The following ARRDC2 variants were observed in gnomAD, a reference collection of about 807,000 sequenced individuals.
ARRDC2 encodes arrestin domain containing 2, also known as arrestin domain-containing protein 2.
In ARRDC2, 39 loss-of-function variants were observed where a neutral mutation model predicts 38.9. The ratio of observed to expected loss-of-function variants is 1.00; its 90% CI spans 0.78 to 1.31. The LOEUF is 1.31. Among genes scored for constraint, ARRDC2 ranks in the 50% most tolerant of loss-of-function variants. ARRDC2 has a pLI of 0.00. For missense variants in ARRDC2, 553 were observed against 588.4 expected, an observed-to-expected ratio of 0.94 and a Z score of 0.62; for synonymous variants, 300 against 261.9, an observed-to-expected ratio of 1.15 and a Z score of -1.41.
At chr19:18,008,138 CGTATAAAA>C, upstream of ARRDC2, 1 of 1,339,284 alleles carries the variant, frequency 7.5e-7, no homozygotes, top group Non-Finnish European at 9.6e-7. Context: ...CCCGCCCTGC[CGTATAAAA>C]GCGGCGCCGA....
chr19:18,012,701 G>A (rs2033437561), intron 7 of ARRDC2, among the ~76,000 whole-genome samples: 2 of 152,074 alleles, frequency 1.3e-5, no homozygotes, highest in Non-Finnish European at 1.5e-5. Context: ...GGTATCCACG[G>A]GGTTCCTGGA....
upstream of ARRDC2, among the ~76,000 whole-genome samples, chr19:18,005,760 C>T (rs1363585213): frequency 4.6e-5 from 7 of 151,096 alleles, no homozygotes; most frequent in South Asian, 8.4e-4. Flanking sequence ...ACTGGCTTGG[C>T]GGGGGCTGAC....
chr19:18,001,304 A>C (rs1184227308), exon 1 of ARRDC2: 12 of 1,195,554 alleles, frequency 1.0e-5, no homozygotes, highest in African/African-American at 1.6e-5. Context: ...CCGTGTCCCC[A>C]GCCGCGCGCC....
upstream of ARRDC2, chr19:18,008,060 A>T (rs2290641): frequency 0.22 from 241,441 of 1,098,542 alleles, 30,644 homozygotes; most frequent in African/African-American, 0.44. Context: ...GGGCAGAGCC[A>T]CGCCCCTTGT....
upstream of ARRDC2, among the ~76,000 whole-genome samples, chr19:18,005,642 C>T (rs1283202404): frequency 4.6e-4 from 70 of 150,734 alleles, 1 homozygote; most frequent in African/African-American, 1.6e-3. Context: ...ACCTCCCTCC[C>T]GGACGGGGCG....
At chr19:18,002,690 G>T (rs529905165) in intron 1 of ARRDC2, among the ~76,000 whole-genome samples, 105 of 152,310 alleles carry the variant, frequency 6.9e-4, no homozygotes, top group Middle Eastern at 3.4e-3. Context: ...AAGCAAGTGC[G>T]GTGGGGCAGG....
At chr19:18,006,544 G>T (rs1384832638), upstream of ARRDC2, among the ~76,000 whole-genome samples, 1 of 152,342 alleles carries the variant, frequency 6.6e-6, no homozygotes, top group East Asian at 1.9e-4. Context: ...AGGCAGGGAG[G>T]TTGCAGTGAG....
chr19:18,005,311 G>C (rs1287513826), upstream of ARRDC2, among the ~76,000 whole-genome samples: 1 of 151,948 alleles, frequency 6.6e-6, no homozygotes, highest in Non-Finnish European at 1.5e-5. Context: ...TTGGGGGTAG[G>C]GTCACCGATC....
chr19:18,010,402 C>T (rs765470338), intron 6 of ARRDC2, 44 bp downstream of exon 6: 24 of 1,587,794 alleles, frequency 1.5e-5, no homozygotes, highest in East Asian at 1.1e-4. Context: ...GGTGGATACA[C>T]GGAGAGGTGG....
At chr19:18,011,818 T>C (rs915910398) in intron 7 of ARRDC2, among the ~76,000 whole-genome samples, 1 of 151,690 alleles carries the variant, frequency 6.6e-6, no homozygotes, top group Admixed American at 6.6e-5. Flanking sequence ...ATGATTGTGC[T>C]ACTACATACT....
At position 18,008,727 on chromosome 19, in the gene ARRDC2, G is replaced by C; in HGVS notation, c.291G>C (p.Thr97=). 1 of 1,613,452 alleles carries C rather than the reference G, an allele frequency of 6.2e-7. No homozygotes were observed. Among genetic ancestry groups the C allele is most frequent in the Non-Finnish European group, 8.5e-7 (1 of 1,180,002 alleles). Residue 97 remains threonine, a synonymous_variant, in exon 2 of 8, where the codon ACG becomes ACC. Coordinates refer to ENST00000222250, the MANE Select transcript of ARRDC2 (RefSeq NM_015683.2). The part of the protein sequence containing the change: ...TLLAPDTGET[T]TLPPGRHEFL... ...TACCTGCAGATACCGGGGAGACCAC[G>C]ACGCTGCCTCCTGGGCGCCATGAGT...
At chr19:18,008,115 G>GTGGCCC, upstream of ARRDC2, 5 of 810,024 alleles carry the variant, frequency 6.2e-6, no homozygotes, top group Non-Finnish European at 8.5e-6. Context: ...AAGAGACGGT[G>GTGGCCC]ACCCCACCCC....
Position 18,010,726 on chromosome 19 carries a change from T to C in ARRDC2, c.1167T>C (p.Ser389=). The change falls in exon 7 of 8, where the codon TCT becomes TCC. Residue 389 remains serine (S), a synonymous_variant. Transcript: ENST00000222250. ...GCTACCGCCCGCCACCCCTGTACTC[T>C]GAGGTGAGCTCAGGGGTCTGAGAAC... ...EFRYRPPPLY[S]EEDPNPLLGD... The C allele has an allele frequency of 6.2e-7, 1 of 1,613,694 alleles. No individual in the cohort carries two copies. Among genetic ancestry groups the C allele is most frequent in the Non-Finnish European group, 8.5e-7 (1 of 1,179,984 alleles).
rs563236332 is a variant in ARRDC2, at chr19:18,008,307, C to T, written c.-4C>T. 3.6e-5 allele frequency: 57 copies of T among 1,593,928 alleles called. No homozygotes were observed. The South Asian group carries it at 5.9e-4, about 17-fold the overall frequency. ...GCCTGTCGTGGGTTCGCACCCCGGACGCGATGCTATTCGACAAGGTGAAAG... is the reference window on the plus strand; with the variant it reads ...GCCTGTCGTGGGTTCGCACCCCGGATGCGATGCTATTCGACAAGGTGAAAG... On this transcript the variant is annotated 5_prime_UTR_variant, in exon 1 of 8. It adds an upstream start codon to the 5' untranslated region. Coordinates refer to ENST00000222250, the MANE Select transcript of ARRDC2 (RefSeq NM_015683.2).
At chr19:18,010,771 C>A in intron 7 of ARRDC2, 42 bp downstream of exon 7, 1 of 1,593,644 alleles carries the variant, frequency 6.3e-7, no homozygotes, top group Non-Finnish European at 8.6e-7. Context: ...CTCTCTGGGC[C>A]CTGGGAGCCT....
intron 1 of ARRDC2, chr19:18,001,594 C>T (rs1599390949): frequency 2.3e-6 from 3 of 1,305,044 alleles, no homozygotes; most frequent in African/African-American, 1.5e-5. Flanking sequence ...CGTCGCGCCG[C>T]CCCCGCAGCA....
chr19:18,008,115 G>GTC, upstream of ARRDC2: 2 of 810,032 alleles, frequency 2.5e-6, no homozygotes, highest in Non-Finnish European at 3.4e-6. Context: ...AAGAGACGGT[G>GTC]ACCCCACCCC....
At chr19:18,006,683 T>A (rs1293631807), upstream of ARRDC2, among the ~76,000 whole-genome samples, 2 of 152,076 alleles carry the variant, frequency 1.3e-5, no homozygotes, top group African/African-American at 4.8e-5. Context: ...TTGTTATACA[T>A]TTAAGGAAAA....
At chr19:18,007,692 G>T (rs558226453), upstream of ARRDC2, 1 of 156,020 alleles carries the variant, frequency 6.4e-6, no homozygotes, top group African/African-American at 2.4e-5. Flanking sequence ...TGTGGAGGGC[G>T]GTCCCACCCA....
Sources: gnomAD v4.1 joint callset for allele counts (sites outside exome capture counted in the v4.1 genomes callset) on GRCh38, gnomAD v4.1.1 for gene constraint, MANE v1.5 for transcripts, NCBI Gene and HGNC (gene_info 2026-07-23, HGNC 2026-07-21) for gene names.